The following ARF3 variants were observed in gnomAD, a reference collection of about 807,000 sequenced individuals.
ARF3 encodes ADP-ribosylation factor 3.
In ARF3, 5 loss-of-function variants were observed where a neutral mutation model predicts 19.3. That is an observed-to-expected ratio of 0.26 (90% confidence interval 0.14 to 0.54). The LOEUF is 0.54. Among genes scored for constraint, ARF3 ranks in the 20% least tolerant of loss-of-function variants. The pLI is 0.95. For missense variants in ARF3, 77 were observed against 234.2 expected (o/e 0.33, Z 4.38); for synonymous variants, 71 against 89.2 (o/e 0.80, Z 1.15).
chr12:48,948,270 C>CTT (rs35020764), intron 1 of ARF3, among the ~76,000 whole-genome samples: 142 of 145,396 alleles, frequency 9.8e-4, no homozygotes, highest in East Asian at 4.6e-3. Context: ...TTTATATAAT[C>CTT]TTTTTTTTTT....
Position 48,938,600 on chromosome 12 carries a change from T to C in ARF3, c.*347A>G, listed in dbSNP as rs561267007. 1 of 456,390 alleles carries C rather than the reference T, an allele frequency of 2.2e-6. No individual in the cohort carries two copies. The highest frequency in any genetic ancestry group is 2.5e-5 in the Admixed American group (1 of 40,770). The allele number at this position is 456,390 out of a possible 1,614,324, so 28.3% of individuals were successfully genotyped here. A position where few individuals can be genotyped will look rare whatever the true frequency, so the allele number is the denominator to read the frequency against. On this transcript the variant is annotated 3_prime_UTR_variant, in exon 5 of 5. Coordinates refer to ENST00000256682, the MANE Select transcript of ARF3 (RefSeq NM_001659.3). ...TGTGGGGACAGGGAAAGGACTCAGATGCCAAGAGGACAGCAACCACTGCCA... is the reference window on the plus strand; with the variant it reads ...TGTGGGGACAGGGAAAGGACTCAGACGCCAAGAGGACAGCAACCACTGCCA...
At chr12:48,942,072 T>C (rs779466472) in intron 1 of ARF3, among the ~76,000 whole-genome samples, 13 of 152,096 alleles carry the variant, frequency 8.5e-5, no homozygotes, top group Non-Finnish European at 1.9e-4. Flanking sequence ...GAGTCCTTTG[T>C]TCAAAACCCA....
At chr12:48,955,196 T>C (rs1457288158) in intron 1 of ARF3, among the ~76,000 whole-genome samples, 2 of 152,184 alleles carry the variant, frequency 1.3e-5, no homozygotes, top group African/African-American at 2.4e-5. Context: ...TTTGTGCACT[T>C]AGTATTTCAC....
chr12:48,951,083 G>A (rs774094732), intron 1 of ARF3, among the ~76,000 whole-genome samples: 5 of 152,008 alleles, frequency 3.3e-5, no homozygotes, highest in African/African-American at 4.8e-5. Flanking sequence ...CACTGCACCC[G>A]GCCTATGTCT....
intron 1 of ARF3, chr12:48,955,545 A>T (rs1163568057): frequency 6.6e-6 from 1 of 152,166 alleles, no homozygotes; most frequent in Non-Finnish European, 1.5e-5. Context: ...CTTCTTAATT[A>T]CAAAGGCTAA....
In ARF3 at chr12:48,952,852, C is replaced by T. The variant is rs11168804; in HGVS notation, c.-94+4458G>A. 1.6e-3 allele frequency among the ~76,000 whole-genome samples: 237 copies of T among 152,376 alleles called. 11 individuals carry two copies. In the East Asian group the frequency reaches 0.037, roughly 24 times the overall value. ...TCTGTTTTGCTTTCCAGAGCTGCAA[C>T]TGCCCAATGTGCCTCTAGTGCATTA... On this transcript the variant is annotated intron_variant, in intron 1 of 4. Coordinates refer to ENST00000256682, the MANE Select transcript of ARF3 (RefSeq NM_001659.3).
intron 1 of ARF3, among the ~76,000 whole-genome samples, chr12:48,953,988 T>C (rs1245069313): frequency 6.6e-6 from 1 of 152,224 alleles, no homozygotes; most frequent in Non-Finnish European, 1.5e-5. Context: ...TTGGACTAAA[T>C]GAAAAGAGTG....
chr12:48,951,902 A>G (rs1940479387), intron 1 of ARF3, among the ~76,000 whole-genome samples: 1 of 151,422 alleles, frequency 6.6e-6, no homozygotes. Flanking sequence ...TAATTAAAAT[A>G]AATAAATAAA....
At position 48,937,504 on chromosome 12, in the gene ARF3, C is replaced by T. The variant is rs762927731; in HGVS notation, c.*1443G>A. ...AACTACATAATAATGCGGGGAGAAT[C>T]CTGAAGACCACTGCATCCCACAAGC... On this transcript the variant is annotated 3_prime_UTR_variant, in exon 5 of 5. Transcript: ENST00000256682. The T allele has an allele frequency of 2.6e-5, 4 of 152,350 alleles. No individual in the cohort carries two copies. The highest frequency in any genetic ancestry group is 5.9e-5 in the Non-Finnish European group (4 of 68,048). The allele number at this position is 152,350 out of a possible 1,614,324, so 9.4% of individuals were successfully genotyped here.
chr12:48,955,361 A>T (rs1940544313), intron 1 of ARF3, among the ~76,000 whole-genome samples: 1 of 152,212 alleles, frequency 6.6e-6, no homozygotes, highest in African/African-American at 2.4e-5. Flanking sequence ...TTCATATATA[A>T]CACTTTGAAA....
At chr12:48,951,847 C>G (rs1940477665) in intron 1 of ARF3, among the ~76,000 whole-genome samples, 2 of 151,082 alleles carry the variant, frequency 1.3e-5, no homozygotes, top group African/African-American at 2.4e-5. Context: ...CCATTGCACT[C>G]CAGGCTGGGC....
At chr12:48,956,469 G>C (rs941300239) in intron 1 of ARF3, 1 of 151,758 alleles carries the variant, frequency 6.6e-6, no homozygotes, top group Non-Finnish European at 1.5e-5. Context: ...CCCAACTCCC[G>C]CCCCTTCCCT....
At chr12:48,946,628 G>A (rs377576096) in intron 1 of ARF3, among the ~76,000 whole-genome samples, 1 of 152,232 alleles carries the variant, frequency 6.6e-6, no homozygotes, top group African/African-American at 2.4e-5. Flanking sequence ...TACAATCTGT[G>A]TGGGACACTG....
chr12:48,945,080 C>T (rs1013254381), intron 1 of ARF3, among the ~76,000 whole-genome samples: 1 of 140,002 alleles, frequency 7.1e-6, no homozygotes, highest in African/African-American at 2.7e-5. Flanking sequence ...GCAGAGGTTA[C>T]AGTGAGCTGA....
chr12:48,946,098 TG>T (rs1341508855), intron 1 of ARF3, among the ~76,000 whole-genome samples: 3 of 152,222 alleles, frequency 2.0e-5, no homozygotes, highest in Non-Finnish European at 4.4e-5. Flanking sequence ...CCACCACGTC[TG>T]GCCATGACTT....
chr12:48,941,074 G>A lies in ARF3; in HGVS notation c.22C>T (p.Leu8Phe). Residue 8 changes from leucine to phenylalanine, a missense_variant, in exon 2 of 5, where the codon CTT becomes TTT. This residue lies in a region of ARF3 where 9 missense variants were observed against 16.4 expected (regional missense o/e 0.55). Coordinates refer to ENST00000256682, the MANE Select transcript of ARF3 (RefSeq NM_001659.3). MGNIFGNLLKSLIGKKEM... is the reference protein window; with the variant it reads MGNIFGNFLKSLIGKKEM... ...TTCTTCCCAATCAGGCTCTTGAGAA[G>A]GTTTCCAAAGATATTGCCCATGATC... 6.2e-7 allele frequency: 1 copy of A among 1,613,640 alleles called. No homozygotes were observed. Among genetic ancestry groups the A allele is most frequent in the Non-Finnish European group, 8.5e-7 (1 of 1,179,808 alleles).
chr12:48,938,414 A>T lies in ARF3; in HGVS notation c.*533T>A, dbSNP rs1323358966. ...GTCCTGGCTGCAAGCCCTGAGCTTCACTCCACCCCCTCCCCGCTCCCCCCG... is the reference window on the plus strand; with the variant it reads ...GTCCTGGCTGCAAGCCCTGAGCTTCTCTCCACCCCCTCCCCGCTCCCCCCG... On this transcript the variant is annotated 3_prime_UTR_variant, in exon 5 of 5. Coordinates refer to ENST00000256682, the MANE Select transcript of ARF3 (RefSeq NM_001659.3). The T allele has an allele frequency of 2.2e-6, 1 of 453,178 alleles. No homozygotes were observed. The highest frequency in any genetic ancestry group is 4.4e-6 in the Non-Finnish European group (1 of 226,654). The allele number at this position is 453,178 out of a possible 1,614,324, so 28.1% of individuals were successfully genotyped here.
chr12:48,955,731 C>G (rs544249085), intron 1 of ARF3: 1 of 152,294 alleles, frequency 6.6e-6, no homozygotes, highest in Admixed American at 6.5e-5. Context: ...AGACGAAATC[C>G]AGTTCCTGCA....
rs892221116 is a variant in ARF3, at chr12:48,938,475, C to T, written c.*472G>A. The T allele has an allele frequency of 6.8e-6, 3 of 441,260 alleles. No individual in the cohort carries two copies. Among genetic ancestry groups the T allele is most frequent in the Non-Finnish European group, 1.4e-5 (3 of 220,454 alleles). The allele number at this position is 441,260 out of a possible 1,614,324, so 27.3% of individuals were successfully genotyped here. Reference sequence around the variant, plus strand: ...ATATATCTCTCTATACATGTATATACAGGCGCACACATGCACGCAAACACA... The same window carrying T: ...ATATATCTCTCTATACATGTATATATAGGCGCACACATGCACGCAAACACA... On this transcript the variant is annotated 3_prime_UTR_variant, in exon 5 of 5. Transcript: ENST00000256682.
Sources: allele counts gnomAD v4.1 joint callset (sites outside exome capture counted in the v4.1 genomes callset), GRCh38; gene constraint gnomAD v4.1.1; regional missense constraint gnomAD v4.1.1; transcripts MANE v1.5; gene names NCBI Gene and HGNC (gene_info 2026-07-23, HGNC 2026-07-21).